The following ELL2 variants were observed in gnomAD, a reference collection of about 807,000 sequenced individuals.
The protein encoded by ELL2 is RNA polymerase II elongation factor ELL2.
In ELL2, 21 loss-of-function variants were observed where a neutral mutation model predicts 72.8. The ratio of observed to expected loss-of-function variants is 0.29; its 90% CI spans 0.20 to 0.42. ELL2 has a LOEUF of 0.42. Among genes scored for constraint, ELL2 ranks in the 10% least tolerant of loss-of-function variants. The pLI is 1.00. For synonymous variants in ELL2, 266 were observed against 283.2 expected (o/e 0.94, Z 0.61); for missense variants, 568 against 772.8 (o/e 0.73, Z 3.14).
chr5:95,956,959 G>C (rs1214551261), intron 1 of ELL2, among the ~76,000 whole-genome samples: 2 of 152,200 alleles, frequency 1.3e-5, no homozygotes, highest in African/African-American at 4.8e-5. Context: ...CAATGGAGTT[G>C]ACAAGAGAAA....
intron 1 of ELL2, among the ~76,000 whole-genome samples, chr5:95,944,336 T>C (rs559423299): frequency 1.3e-5 from 2 of 152,354 alleles, no homozygotes; most frequent in African/African-American, 4.8e-5. Context: ...TAATGGATAC[T>C]GTTACTGTTC....
At chr5:95,950,121 AT>A (rs2112355844) in intron 1 of ELL2, among the ~76,000 whole-genome samples, 1 of 152,348 alleles carries the variant, frequency 6.6e-6, no homozygotes, top group East Asian at 1.9e-4. Flanking sequence ...GTTTTGCACT[AT>A]GGCAGAAGGA....
intron 3 of ELL2, 53 bp from the exon 4 acceptor site, chr5:95,913,987 A>T: frequency 6.8e-7 from 1 of 1,466,804 alleles, no homozygotes; most frequent in Non-Finnish European, 9.0e-7. Context: ...TTGTACAATA[A>T]AGGCAAACAA....
chr5:95,954,132 A>C (rs1364940934), intron 1 of ELL2, among the ~76,000 whole-genome samples: 3 of 152,220 alleles, frequency 2.0e-5, no homozygotes, highest in Admixed American at 1.3e-4. Context: ...TAAGTAATAC[A>C]GCACTGTTTT....
At chr5:95,930,276 T>G (rs1750549277) in intron 2 of ELL2, among the ~76,000 whole-genome samples, 1 of 152,202 alleles carries the variant, frequency 6.6e-6, no homozygotes, top group Admixed American at 6.5e-5. Flanking sequence ...CAACGTTCTT[T>G]TGCATTATGC....
chr5:95,940,580 T>C (rs965578121), intron 2 of ELL2, among the ~76,000 whole-genome samples: 7 of 152,224 alleles, frequency 4.6e-5, no homozygotes, highest in Non-Finnish European at 7.3e-5. Flanking sequence ...TGCTTAGTTA[T>C]ACGTCAAATA....
chr5:95,960,900 G>C (rs900654818), intron 1 of ELL2, among the ~76,000 whole-genome samples: 15 of 151,052 alleles, frequency 9.9e-5, no homozygotes, highest in Admixed American at 9.2e-4. Context: ...AAGCGCCAGT[G>C]TCCCCGCCGT....
chr5:95,920,093 G>A (rs923590983), intron 2 of ELL2, among the ~76,000 whole-genome samples: 6 of 151,882 alleles, frequency 4.0e-5, no homozygotes. Flanking sequence ...TGCCATAATT[G>A]CATTCACAGG....
intron 1 of ELL2, among the ~76,000 whole-genome samples, chr5:95,949,427 A>C (rs996580818): frequency 6.6e-6 from 1 of 152,194 alleles, no homozygotes; most frequent in African/African-American, 2.4e-5. Flanking sequence ...AAGAAATAGC[A>C]TTCTGGGCCT....
At chr5:95,942,934 C>T (rs558880486) in intron 2 of ELL2, 68 bp downstream of exon 2, 22 of 1,255,802 alleles carry the variant, frequency 1.8e-5, no homozygotes, top group Middle Eastern at 2.0e-4. Context: ...CAACTGAAAA[C>T]GGATTTTAAA....
chr5:95,911,568 G>A (rs998854764), intron 4 of ELL2, among the ~76,000 whole-genome samples: 1 of 151,976 alleles, frequency 6.6e-6, no homozygotes, highest in Non-Finnish European at 1.5e-5. Context: ...GGATGGTCTC[G>A]ATCTCTTGAC....
chr5:95,888,995 TGAAAA>T lies in ELL2; in HGVS notation c.1807-13_1807-9del. On this transcript the variant is annotated splice_polypyrimidine_tract_variant and intron_variant, in intron 11 of 11. Coordinates refer to ENST00000237853, the MANE Select transcript of ELL2 (RefSeq NM_012081.6). ...ATGGTAATTGGGACTAGACTGCAGATGAAAAAAAAAAAAAAAAAAGAGGAATGAGA... is the reference window on the plus strand; with the variant it reads ...ATGGTAATTGGGACTAGACTGCAGATAAAAAAAAAAAAAAGAGGAATGAGA... 2 of 1,256,054 alleles carry T rather than the reference TGAAAA, an allele frequency of 1.6e-6. No homozygotes were observed. The highest frequency in any genetic ancestry group is 2.2e-6 in the Non-Finnish European group (2 of 927,404). The allele number at this position is 1,256,054 out of a possible 1,614,324, so 77.8% of individuals were successfully genotyped here.
At chr5:95,902,242 T>G (rs148577364) in intron 5 of ELL2, among the ~76,000 whole-genome samples, 40 of 152,362 alleles carry the variant, frequency 2.6e-4, no homozygotes, top group African/African-American at 8.4e-4. Context: ...TTGTCTGTCT[T>G]TCTTTGGATA....
chr5:95,906,883 G>A, intron 4 of ELL2, 101 bp from the exon 5 acceptor site: 2 of 1,270,566 alleles, frequency 1.6e-6, no homozygotes, highest in South Asian at 2.2e-5. Context: ...ATTTCTAGAG[G>A]AAATAATAAT....
intron 5 of ELL2, among the ~76,000 whole-genome samples, chr5:95,904,128 C>G (rs1161615613): frequency 6.6e-6 from 1 of 152,210 alleles, no homozygotes; most frequent in Non-Finnish European, 1.5e-5. Context: ...CCTGATCTCT[C>G]CACTTAAAGC....
chr5:95,961,759 G>A lies in ELL2; in HGVS notation c.-38C>T, dbSNP rs765793363. The A allele has an allele frequency of 8.3e-6, 13 of 1,561,192 alleles. No individual in the cohort carries two copies. In the East Asian group the frequency reaches 3.1e-4, roughly 37 times the overall value. ...GGGGTGCCGCCGCCGCCGCCGCTCC[G>A]GCTCTAGCCTCCACTGCGGCCGCGG... On this transcript the variant is annotated 5_prime_UTR_variant, in exon 1 of 12. Coordinates refer to ENST00000237853, the MANE Select transcript of ELL2 (RefSeq NM_012081.6).
intron 3 of ELL2, 60 bp from the exon 4 acceptor site, chr5:95,913,994 A>T: frequency 6.9e-7 from 1 of 1,449,340 alleles, no homozygotes; most frequent in Non-Finnish European, 9.1e-7. Context: ...ATAAAGGCAA[A>T]CAAGAATTAT....
rs1751643688 is a variant in ELL2 at position 95,956,800 on chromosome 5, A to G, written c.147+4775T>C. Among the ~76,000 whole-genome samples the G allele has an allele frequency of 4.6e-5, 7 of 152,250 alleles. No individual in the cohort carries two copies. In the South Asian group the frequency reaches 1.4e-3, roughly 31 times the overall value. On this transcript the variant is annotated intron_variant, in intron 1 of 11. Coordinates refer to ENST00000237853, the MANE Select transcript of ELL2 (RefSeq NM_012081.6). ...TTGAAGGGAGCTACTATGAAGGACA[A>G]TAATTTTGGAGGCTTAAATAAGAAC... is the stretch of plus-strand genomic sequence containing the variant.
At chr5:95,893,727 T>C (rs1281328967) in intron 9 of ELL2, among the ~76,000 whole-genome samples, 3 of 152,224 alleles carry the variant, frequency 2.0e-5, no homozygotes, top group African/African-American at 7.2e-5. Flanking sequence ...AGTTTTCTTA[T>C]GAGGCAACTT....
Sources: gnomAD v4.1 joint callset for allele counts (sites outside exome capture counted in the v4.1 genomes callset) on GRCh38, gnomAD v4.1.1 for gene constraint, MANE v1.5 for transcripts, NCBI Gene and HGNC (gene_info 2026-07-23, HGNC 2026-07-21) for gene names.